CDH4: variants seen among roughly 807,000 people sequenced by gnomAD.
The protein encoded by CDH4 is cadherin-4.
In CDH4, 33 loss-of-function variants were observed where a neutral mutation model predicts 86.0. The observed-to-expected ratio is 0.38, with a 90% confidence interval of 0.29 to 0.51. The LOEUF (loss-of-function observed/expected upper bound fraction) is 0.51. Among genes scored for constraint, CDH4 ranks in the 20% least tolerant of loss-of-function variants. The probability of loss-of-function intolerance (pLI) is 0.86; values close to 1 mark genes in which losing one functional copy is unlikely to be tolerated. For missense variants in CDH4, 1,114 were observed against 1,307.4 expected (o/e 0.85, Z 2.28); for synonymous variants, 555 against 549.4 (o/e 1.01, Z -0.14).
At chr20:61,842,843 A>G (rs1179865753) in intron 4 of CDH4, among the ~76,000 whole-genome samples, 1 of 152,040 alleles carries the variant, frequency 6.6e-6, no homozygotes, top group African/African-American at 2.4e-5. Context: ...CTGTAATTCC[A>G]TTTTGATTAT....
At chr20:61,729,969 A>G (rs1341684476) in intron 2 of CDH4, among the ~76,000 whole-genome samples, 3 of 152,186 alleles carry the variant, frequency 2.0e-5, no homozygotes, top group Non-Finnish European at 4.4e-5. Flanking sequence ...CAGCTGATAG[A>G]TAGTGAATAT....
At chr20:61,842,174 A>G (rs149541906) in intron 4 of CDH4, among the ~76,000 whole-genome samples, 63 of 152,304 alleles carry the variant, frequency 4.1e-4, no homozygotes, top group African/African-American at 1.4e-3. Flanking sequence ...TGCTGCAGAG[A>G]TGAGGTGCCT....
chr20:61,286,615 G>T (rs1205009052), intron 2 of CDH4, among the ~76,000 whole-genome samples: 1 of 152,214 alleles, frequency 6.6e-6, no homozygotes, highest in Non-Finnish European at 1.5e-5. Context: ...ATATGACAGC[G>T]TAAAAGCTTT....
chr20:61,635,931 G>A (rs567875390), intron 2 of CDH4, among the ~76,000 whole-genome samples: 8 of 152,184 alleles, frequency 5.3e-5, no homozygotes, highest in East Asian at 1.9e-4. Context: ...GGGGCTTCCC[G>A]CAGTCTTCCA....
intron 2 of CDH4, among the ~76,000 whole-genome samples, chr20:61,291,723 G>A (rs998796234): frequency 3.9e-5 from 6 of 152,102 alleles, no homozygotes; most frequent in African/African-American, 1.4e-4. Context: ...TGGCCTCGGA[G>A]ACTCGGTTTC....
At chr20:61,268,112 C>G (rs1024218237) in intron 2 of CDH4, among the ~76,000 whole-genome samples, 8 of 151,976 alleles carry the variant, frequency 5.3e-5, no homozygotes, top group Non-Finnish European at 1.2e-4. Context: ...GACACACAGC[C>G]TGCCCTCCCA....
At chr20:61,845,577 G>A (rs1982412989) in intron 5 of CDH4, among the ~76,000 whole-genome samples, 1 of 152,218 alleles carries the variant, frequency 6.6e-6, no homozygotes, top group Admixed American at 6.5e-5. Context: ...ACAGGCTGGA[G>A]CCAAATCACG....
intron 2 of CDH4, among the ~76,000 whole-genome samples, chr20:61,704,352 T>C (rs993295364): frequency 2.2e-4 from 33 of 152,292 alleles, no homozygotes; most frequent in African/African-American, 7.9e-4. Flanking sequence ...ATGCAGGTGC[T>C]GATCCAGGTC....
chr20:61,910,016 C>A (rs1488456830), intron 8 of CDH4, among the ~76,000 whole-genome samples: 1 of 152,270 alleles, frequency 6.6e-6, no homozygotes, highest in African/African-American at 2.4e-5. Flanking sequence ...TTCAGTGGGG[C>A]CCCGGCAGCC....
Position 61,567,282 on chromosome 20 carries a change from T to A in CDH4, c.170-176281T>A, listed in dbSNP as rs2086306041. On this transcript the variant is annotated intron_variant, in intron 2 of 15. Coordinates refer to ENST00000614565, the MANE Select transcript of CDH4 (RefSeq NM_001794.5). Reference sequence around the variant, plus strand: ...AGAAGTTACCTTAGTCTATTTAGGCTGCTACAACTGCAGACAGACTGGGTG... The same window carrying A: ...AGAAGTTACCTTAGTCTATTTAGGCAGCTACAACTGCAGACAGACTGGGTG... Among the ~76,000 whole-genome samples the A allele has an allele frequency of 2.6e-5, 4 of 152,316 alleles. No homozygotes were observed. The South Asian group carries it at 8.3e-4, about 32-fold the overall frequency.
chr20:61,285,546 G>A (rs545191729), intron 2 of CDH4, among the ~76,000 whole-genome samples: 6 of 152,334 alleles, frequency 3.9e-5, no homozygotes, highest in Admixed American at 2.6e-4. Flanking sequence ...AGCCTGCCAC[G>A]GAGCATTTTT....
At chr20:61,749,414 G>A (rs991056098) in intron 3 of CDH4, among the ~76,000 whole-genome samples, 5 of 152,166 alleles carry the variant, frequency 3.3e-5, no homozygotes, top group Non-Finnish European at 7.3e-5. Flanking sequence ...AAATACACAT[G>A]ATTTTTAAGT....
chr20:61,412,618 G>A (rs551421089), intron 2 of CDH4, among the ~76,000 whole-genome samples: 165 of 152,250 alleles, frequency 1.1e-3, no homozygotes, highest in African/African-American at 3.9e-3. Context: ...AGATCCTAGG[G>A]TGCTAACTGT....
chr20:61,514,199 T>C (rs1400619435), intron 2 of CDH4, among the ~76,000 whole-genome samples: 1 of 152,118 alleles, frequency 6.6e-6, no homozygotes, highest in Non-Finnish European at 1.5e-5. Flanking sequence ...AAGCTTGAGG[T>C]CATCAGAAAG....
intron 2 of CDH4, among the ~76,000 whole-genome samples, chr20:61,388,316 G>A (rs746344133): frequency 6.6e-6 from 1 of 152,104 alleles, no homozygotes; most frequent in African/African-American, 2.4e-5. Context: ...CTCACTTTTC[G>A]CCTTTCCTGG....
rs969565203 is a variant in CDH4 at position 61,252,292 on chromosome 20, G to T, written c.-222G>T. ...GCGGGCGGCTGCGAGGCCGGCGGACGCACCGGCCCGAGGGAACGCGCCGCC... is the reference window on the plus strand; with the variant it reads ...GCGGGCGGCTGCGAGGCCGGCGGACTCACCGGCCCGAGGGAACGCGCCGCC... On this transcript the variant is annotated 5_prime_UTR_variant, in exon 1 of 16. Coordinates refer to ENST00000614565, the MANE Select transcript of CDH4 (RefSeq NM_001794.5). This position sits in a 1 kb window ranked among gnomAD's most constrained non-coding sequence, Gnocchi z 4.4. 2 of 146,924 alleles carry T rather than the reference G, an allele frequency of 1.4e-5. No individual in the cohort carries two copies. The highest frequency in any genetic ancestry group is 4.9e-5 in the African/African-American group (2 of 40,604). 9.1% of individuals were successfully genotyped at this position (146,924 alleles called of 1,614,324 possible). A position where few individuals can be genotyped will look rare whatever the true frequency, so the allele number is the denominator to read the frequency against.
intron 2 of CDH4, among the ~76,000 whole-genome samples, chr20:61,733,040 G>C (rs2088213397): frequency 6.7e-6 from 1 of 149,508 alleles, no homozygotes; most frequent in Non-Finnish European, 1.5e-5. Flanking sequence ...GCTCTGGGCT[G>C]TGTGGGGGCA....
intron 2 of CDH4, among the ~76,000 whole-genome samples, chr20:61,665,150 G>A (rs564174606): frequency 2.6e-5 from 4 of 152,282 alleles, no homozygotes; most frequent in African/African-American, 9.6e-5. Context: ...GGGTGCCGCA[G>A]CCTGAAGGGC....
intron 2 of CDH4, among the ~76,000 whole-genome samples, chr20:61,727,346 T>C (rs1368490632): frequency 2.0e-5 from 3 of 146,516 alleles, no homozygotes; most frequent in African/African-American, 8.2e-5. Flanking sequence ...GGTGCCTTCA[T>C]CACCATTGGT....
Sources: allele counts gnomAD v4.1 joint callset (sites outside exome capture counted in the v4.1 genomes callset), GRCh38; gene constraint gnomAD v4.1.1; non-coding constraint Gnocchi (gnomAD v3.1); transcripts MANE v1.5; gene names NCBI Gene and HGNC (gene_info 2026-07-23, HGNC 2026-07-21).